Variants in ADAM18 observed in about 807,000 individuals in gnomAD.
ADAM18 encodes disintegrin and metalloproteinase domain-containing protein 18.
In ADAM18, 117 loss-of-function variants were observed where a neutral mutation model predicts 94.4. That is an observed-to-expected ratio of 1.24 (90% CI 1.07 to 1.45). The LOEUF (loss-of-function observed/expected upper bound fraction) is 1.45. ADAM18 is among the 40% of genes most tolerant of loss of function. The pLI, the probability that ADAM18 is intolerant of heterozygous loss-of-function variation, is 0.00. For missense variants in ADAM18, 936 were observed against 880.0 expected (o/e 1.06, Z -0.81); for synonymous variants, 327 against 291.6 (o/e 1.12, Z -1.24).
chr8:39,671,078 T>C (rs556862981), intron 14 of ADAM18, among the ~76,000 whole-genome samples: 3 of 152,338 alleles, frequency 2.0e-5, no homozygotes, highest in South Asian at 2.1e-4. Flanking sequence ...CTTTAATAAA[T>C]AGCCTTCATC....
chr8:39,637,781 C>A (rs1820126544), intron 9 of ADAM18, 78 bp downstream of exon 9: 2 of 1,343,536 alleles, frequency 1.5e-6, no homozygotes, highest in Admixed American at 2.8e-5. Context: ...TTATTGCGTT[C>A]TTCAGTTTTT....
At chr8:39,634,716 T>C (rs1050244306) in intron 7 of ADAM18, among the ~76,000 whole-genome samples, 4 of 152,230 alleles carry the variant, frequency 2.6e-5, no homozygotes, top group African/African-American at 9.6e-5. Context: ...TCATATAACT[T>C]GTTCAATTTC....
intron 2 of ADAM18, among the ~76,000 whole-genome samples, chr8:39,589,730 A>C (rs1818517485): frequency 6.6e-6 from 1 of 152,076 alleles, no homozygotes. Flanking sequence ...TAAAAATTTT[A>C]AACTTTCATT....
chr8:39,676,633 C>T (rs533125549), intron 14 of ADAM18, among the ~76,000 whole-genome samples: 64 of 152,222 alleles, frequency 4.2e-4, no homozygotes, highest in Non-Finnish European at 7.2e-4. Context: ...TGCTTCAGCT[C>T]GCCTTCCATG....
At chr8:39,675,142 T>C (rs1406844710) in intron 14 of ADAM18, among the ~76,000 whole-genome samples, 2 of 152,192 alleles carry the variant, frequency 1.3e-5, no homozygotes, top group African/African-American at 4.8e-5. Flanking sequence ...TGGTGTTCTC[T>C]GTATTTCTGA....
intron 6 of ADAM18, among the ~76,000 whole-genome samples, chr8:39,618,885 T>C (rs561317280): frequency 6.6e-6 from 1 of 152,316 alleles, no homozygotes; most frequent in African/African-American, 2.4e-5. Flanking sequence ...TCACGCGCTG[T>C]TGGCTCATTC....
intron 18 of ADAM18, among the ~76,000 whole-genome samples, chr8:39,721,795 C>A (rs1429863642): frequency 6.6e-5 from 10 of 151,410 alleles, no homozygotes; most frequent in Non-Finnish European, 1.3e-4. Context: ...CACTTTTATA[C>A]TGCTGGTGGA....
intron 18 of ADAM18, among the ~76,000 whole-genome samples, chr8:39,710,575 C>A (rs1180916685): frequency 6.6e-6 from 1 of 152,200 alleles, no homozygotes; most frequent in Non-Finnish European, 1.5e-5. Flanking sequence ...TTACCCTAGA[C>A]TGATTTCTTA....
At chr8:39,639,916 C>CA (rs1470191779) in intron 10 of ADAM18, among the ~76,000 whole-genome samples, 1 of 151,974 alleles carries the variant, frequency 6.6e-6, no homozygotes, top group Admixed American at 6.6e-5. Context: ...ATCCCTCTTT[C>CA]ATATTTTGCT....
At chr8:39,639,894 T>G (rs1376462962) in intron 10 of ADAM18, among the ~76,000 whole-genome samples, 1 of 152,122 alleles carries the variant, frequency 6.6e-6, no homozygotes, top group African/African-American at 2.4e-5. Context: ...TGGTTTCCTT[T>G]GTATTATGTG....
At chr8:39,677,044 G>C (rs1821320353) in intron 14 of ADAM18, among the ~76,000 whole-genome samples, 1 of 152,084 alleles carries the variant, frequency 6.6e-6, no homozygotes, top group South Asian at 2.1e-4. Flanking sequence ...TGCTACAAAG[G>C]ACAGGAGGTA....
chr8:39,727,024 T>G (rs1822933971), intron 19 of ADAM18, among the ~76,000 whole-genome samples: 1 of 152,244 alleles, frequency 6.6e-6, no homozygotes, highest in African/African-American at 2.4e-5. Context: ...AGCTAAATTA[T>G]TTTAACTGCA....
chr8:39,702,887 C>T (rs978075542), intron 17 of ADAM18, among the ~76,000 whole-genome samples: 3 of 152,106 alleles, frequency 2.0e-5, no homozygotes, highest in Non-Finnish European at 4.4e-5. Flanking sequence ...TTACTGTAGT[C>T]CTGTGATATA....
At chr8:39,642,101 G>A (rs565224510) in intron 10 of ADAM18, among the ~76,000 whole-genome samples, 53 of 152,004 alleles carry the variant, frequency 3.5e-4, no homozygotes, top group African/African-American at 1.3e-3. Flanking sequence ...CAATTTTTAT[G>A]GAGTTGTTAG....
chr8:39,596,543 C>G (rs1287632846), intron 2 of ADAM18, among the ~76,000 whole-genome samples: 1 of 152,114 alleles, frequency 6.6e-6, no homozygotes, highest in African/African-American at 2.4e-5. Flanking sequence ...AATCTATTGT[C>G]TGCTGTACCA....
intron 6 of ADAM18, among the ~76,000 whole-genome samples, chr8:39,615,696 T>C (rs1455511975): frequency 6.6e-6 from 1 of 152,088 alleles, no homozygotes; most frequent in Non-Finnish European, 1.5e-5. Context: ...AACATAGTAC[T>C]AGAAGACCTC....
chr8:39,605,369 A>C (rs533460433), intron 2 of ADAM18, among the ~76,000 whole-genome samples: 2 of 152,206 alleles, frequency 1.3e-5, no homozygotes, highest in East Asian at 3.9e-4. Context: ...GTTAGTACCC[A>C]ATTTGTGATA....
chr8:39,680,056 T>C lies in ADAM18; in HGVS notation c.1651T>C (p.Leu551=), dbSNP rs1280240903. 1 of 1,613,588 alleles carries C rather than the reference T, an allele frequency of 6.2e-7. No individual in the cohort carries two copies. The highest frequency in any genetic ancestry group is 8.5e-7 in the Non-Finnish European group (1 of 1,179,790). The stretch of plus-strand genomic sequence containing the variant: ...TTCCAGGGATGTTCTCTGTGGAAAA[T>C]TAGCTTGTGTTCAGCCACATAAAAA... ...CERKDVLCGK[L]ACVQPHKNAN... is the part of the protein sequence containing the mutation. Residue 551 remains leucine, a synonymous_variant, in exon 16 of 20, where the codon TTA becomes CTA. Coordinates refer to ENST00000265707, the MANE Select transcript of ADAM18 (RefSeq NM_014237.3).
In ADAM18 at chr8:39,706,821, T is replaced by G. The variant is rs757569879; in HGVS notation, c.1934T>G (p.Phe645Cys). 6.2e-7 allele frequency: 1 copy of G among 1,609,260 alleles called. No individual in the cohort carries two copies. The highest frequency in any genetic ancestry group is 8.5e-7 in the Non-Finnish European group (1 of 1,176,440). ...AATAATTTTGGTAATTGTCAATGCT[T>G]CCCTGGACATAGACCTCCAGATTGT... ...ICNNFGNCQC[F>C]PGHRPPDCKF... Residue 645 changes from phenylalanine to cysteine, a missense_variant, in exon 18 of 20, where the codon TTC becomes TGC. Phe to Cys is a radical substitution (Grantham distance 205, BLOSUM62 -2). Coordinates refer to ENST00000265707, the MANE Select transcript of ADAM18 (RefSeq NM_014237.3).
Sources: gnomAD v4.1 joint callset for allele counts (sites outside exome capture counted in the v4.1 genomes callset) on GRCh38, gnomAD v4.1.1 for gene constraint, MANE v1.5 for transcripts, NCBI Gene and HGNC (gene_info 2026-07-23, HGNC 2026-07-21) for gene names.